APP: variants seen among roughly 807,000 people sequenced by gnomAD.
The protein encoded by APP is amyloid-beta precursor protein.
A neutral mutation model predicts 101.4 loss-of-function variants in APP; 31 were observed. That is an observed-to-expected ratio of 0.31 (90% CI 0.23 to 0.41). The LOEUF is 0.41. APP is among the 10% of genes least tolerant of loss of function. The pLI is 1.00. For missense variants in APP, 839 were observed against 1,003.7 expected (o/e 0.84, Z 2.22); for synonymous variants, 366 against 364.4 (o/e 1.00, Z -0.05).
chr21:25,958,560 C>A (rs3084234), intron 11 of APP, among the ~76,000 whole-genome samples: 645 of 1,716 alleles, frequency 0.38, 2 homozygotes, highest in Middle Eastern at 0.5. Flanking sequence ...TACAGGCGTG[C>A]GACCAGTGCA....
intron 1 of APP, among the ~76,000 whole-genome samples, chr21:26,139,147 A>AT: frequency 6.6e-6 from 1 of 152,182 alleles, no homozygotes; most frequent in East Asian, 1.9e-4. Context: ...GGGATGAGAA[A>AT]TAAGTAAATA....
intron 5 of APP, among the ~76,000 whole-genome samples, chr21:26,026,389 C>G (rs2044575132): frequency 6.6e-6 from 1 of 152,184 alleles, no homozygotes; most frequent in African/African-American, 2.4e-5. Context: ...AAATAAATCA[C>G]TGATGATAAA....
chr21:26,137,681 A>G (rs2062950574), intron 1 of APP, among the ~76,000 whole-genome samples: 1 of 152,234 alleles, frequency 6.6e-6, no homozygotes, highest in Non-Finnish European at 1.5e-5. Context: ...TAGAAACTCC[A>G]GATAGAATTT....
intron 1 of APP, among the ~76,000 whole-genome samples, chr21:26,145,068 C>T (rs962224872): frequency 6.6e-6 from 1 of 152,196 alleles, no homozygotes; most frequent in Non-Finnish European, 1.5e-5. Context: ...CATCAAAATA[C>T]GTGCCTTCCT....
rs536037153 is a variant in APP, at chr21:26,002,739, T to G, written c.866-2557A>C. On this transcript the variant is annotated intron_variant, in intron 6 of 17. Coordinates refer to ENST00000346798, the MANE Select transcript of APP (RefSeq NM_000484.4). The stretch of plus-strand genomic sequence containing the variant: ...CATTGGCAACAAAATTTACCATGCC[T>G]TGGCAATTTATGCTGACCCTCACAT... 4.1e-4 allele frequency among the ~76,000 whole-genome samples: 62 copies of G among 152,298 alleles called. 1 individual carries two copies. The South Asian group carries it at 6.6e-3, about 16-fold the overall frequency.
intron 14 of APP, among the ~76,000 whole-genome samples, chr21:25,907,629 C>T (rs1779687885): frequency 2.0e-5 from 3 of 152,154 alleles, no homozygotes; most frequent in Admixed American, 6.5e-5. Flanking sequence ...TGAATCAAAT[C>T]CTTTGCTGTA....
chr21:26,138,124 G>A (rs1295661265), intron 1 of APP, among the ~76,000 whole-genome samples: 1 of 152,110 alleles, frequency 6.6e-6, no homozygotes, highest in East Asian at 1.9e-4. Context: ...ATAACATTCT[G>A]CATCAAATCC....
At chr21:26,099,163 A>G (rs897237180) in intron 2 of APP, among the ~76,000 whole-genome samples, 4 of 152,166 alleles carry the variant, frequency 2.6e-5, no homozygotes, top group East Asian at 1.9e-4. Context: ...CTGCATGTGA[A>G]AAAGGAAAAA....
chr21:25,932,326 G>GGTGAA (rs893063787), intron 13 of APP, among the ~76,000 whole-genome samples: 16 of 142,584 alleles, frequency 1.1e-4, no homozygotes, highest in Non-Finnish European at 1.5e-4. Context: ...TGCAGACAAT[G>GGTGAA]GTGAAGTGAA....
In APP at chr21:26,021,899, G is replaced by A. The variant is rs779407819; in HGVS notation, c.806C>T (p.Thr269Ile). ...GGTGGTGGTGGTGGCAATGCTGGTG[G>A]TTCTCTCTGTGGCTTCTTCGTAGGG... ...EEPYEEATER[T>I]TSIATTTTTT... Residue 269 changes from threonine (T) to isoleucine (I), a missense_variant, in exon 6 of 18, where the codon ACC (threonine) becomes ATC (isoleucine). Coordinates refer to ENST00000346798, the MANE Select transcript of APP (RefSeq NM_000484.4). 4 of 1,613,388 alleles carry A rather than the reference G, an allele frequency of 2.5e-6. No individual in the cohort carries two copies. The highest frequency in any genetic ancestry group is 4.5e-5 in the East Asian group (2 of 44,806).
intron 5 of APP, among the ~76,000 whole-genome samples, chr21:26,037,334 T>C (rs2045161948): frequency 6.6e-6 from 1 of 152,188 alleles, no homozygotes; most frequent in Admixed American, 6.5e-5. Context: ...TTAACAGTAA[T>C]ATATGACATA....
At chr21:25,890,835 G>A (rs982363698) in intron 17 of APP, among the ~76,000 whole-genome samples, 9 of 151,226 alleles carry the variant, frequency 6.0e-5, no homozygotes, top group African/African-American at 1.9e-4. Flanking sequence ...TCTACAAGAT[G>A]AGAAGATCAA....
In APP at chr21:25,883,013, G is replaced by A. The variant is rs149276989; in HGVS notation, c.2212-1242C>T. 3.2e-3 allele frequency among the ~76,000 whole-genome samples: 488 copies of A among 152,268 alleles called. 2 individuals are homozygous for A. The highest frequency in any genetic ancestry group is 0.011 in the African/African-American group (442 of 41,554). On this transcript the variant is annotated intron_variant, in intron 17 of 17. Coordinates refer to ENST00000346798, the MANE Select transcript of APP (RefSeq NM_000484.4). ...AAGCCAAGGAAGAAAAAGTACCAGC[G>A]AGGATGTAGTGTCAGCAGTAAGACA...
At chr21:25,904,399 C>T (rs2038675679) in intron 15 of APP, among the ~76,000 whole-genome samples, 1 of 152,052 alleles carries the variant, frequency 6.6e-6, no homozygotes, top group African/African-American at 2.4e-5. Flanking sequence ...TTAAGTAATA[C>T]ATAAAAAAAG....
chr21:25,883,109 A>T lies in APP; in HGVS notation c.2212-1338T>A, dbSNP rs189263232. 1.5e-4 allele frequency among the ~76,000 whole-genome samples: 23 copies of T among 152,248 alleles called. 1 individual carries two copies. In the East Asian group the frequency reaches 4.2e-3, roughly 28 times the overall value. On this transcript the variant is annotated intron_variant, in intron 17 of 17. Transcript: ENST00000346798. ...GGCTGATAACAATTCAGACTAAAAGATCTGTCAATATGGCCGGGTGCAGTG... is the reference window on the plus strand; with the variant it reads ...GGCTGATAACAATTCAGACTAAAAGTTCTGTCAATATGGCCGGGTGCAGTG...
chr21:25,959,206 G>A (rs1341308434), intron 11 of APP, among the ~76,000 whole-genome samples: 4 of 152,186 alleles, frequency 2.6e-5, no homozygotes, highest in African/African-American at 7.2e-5. Flanking sequence ...AGGCCGAGGC[G>A]GGCAGGTCAC....
intron 3 of APP, among the ~76,000 whole-genome samples, chr21:26,074,372 G>C (rs1433407290): frequency 1.3e-5 from 2 of 152,160 alleles, no homozygotes; most frequent in Non-Finnish European, 2.9e-5. Context: ...TTTATAAATA[G>C]TATCCTAACC....
At chr21:25,926,006 C>T (rs925451244) in intron 13 of APP, among the ~76,000 whole-genome samples, 1 of 152,170 alleles carries the variant, frequency 6.6e-6, no homozygotes, top group African/African-American at 2.4e-5. Flanking sequence ...CAAAGCAAGG[C>T]ATGAGATGAG....
At chr21:26,135,699 G>A (rs768554741) in intron 1 of APP, among the ~76,000 whole-genome samples, 2 of 152,172 alleles carry the variant, frequency 1.3e-5, no homozygotes, top group African/African-American at 4.8e-5. Context: ...TACTGGAAGG[G>A]CATGTGTCCT....
Sources: allele counts gnomAD v4.1 joint callset (sites outside exome capture counted in the v4.1 genomes callset), GRCh38; gene constraint gnomAD v4.1.1; transcripts MANE v1.5; gene names NCBI Gene and HGNC (gene_info 2026-07-23, HGNC 2026-07-21).